Variants in CDH18 observed in about 807,000 individuals in gnomAD.
CDH18 encodes the protein cadherin 18, also known as cadherin-18.
Under a neutral mutation model 67.9 loss-of-function variants are expected in CDH18, and 31 were observed. That is an observed-to-expected ratio of 0.46 (90% CI 0.34 to 0.62). The LOEUF (loss-of-function observed/expected upper bound fraction) is 0.62. Among genes scored for constraint, CDH18 ranks in the 20% least tolerant of loss-of-function variants. CDH18 has a pLI of 0.01. For synonymous variants in CDH18, 362 were observed against 347.2 expected, an observed-to-expected ratio of 1.04 and a Z score of -0.48; for missense variants, 890 against 975.5, an observed-to-expected ratio of 0.91 and a Z score of 1.17.
intron 1 of CDH18, among the ~76,000 whole-genome samples, chr5:20,460,911 A>C (rs1301957726): frequency 6.6e-6 from 1 of 152,218 alleles, no homozygotes; most frequent in Non-Finnish European, 1.5e-5. Context: ...AACTGAGTAC[A>C]TAATTCGTAC....
chr5:19,857,494 T>C (rs908332198), intron 2 of CDH18, among the ~76,000 whole-genome samples: 8 of 152,122 alleles, frequency 5.3e-5, no homozygotes, highest in African/African-American at 1.9e-4. Context: ...CATAGTACAG[T>C]AGTTGAGACA....
chr5:19,824,647 G>A (rs1428670391), intron 3 of CDH18, among the ~76,000 whole-genome samples: 1 of 152,152 alleles, frequency 6.6e-6, no homozygotes, highest in Admixed American at 6.5e-5. Flanking sequence ...TGGTGCCTGT[G>A]AGTAGTAAGA....
intron 1 of CDH18, among the ~76,000 whole-genome samples, chr5:20,416,549 A>G (rs1317408299): frequency 6.6e-6 from 1 of 152,162 alleles, no homozygotes; most frequent in Non-Finnish European, 1.5e-5. Flanking sequence ...AGAATGAAAG[A>G]GAGATTAGCA....
At chr5:19,573,166 A>G (rs1329944657) in intron 7 of CDH18, among the ~76,000 whole-genome samples, 1 of 152,220 alleles carries the variant, frequency 6.6e-6, no homozygotes, top group African/African-American at 2.4e-5. Context: ...TGACACAAAC[A>G]TTATGAATTT....
intron 2 of CDH18, among the ~76,000 whole-genome samples, chr5:20,011,488 T>C (rs191133544): frequency 7.2e-4 from 110 of 152,244 alleles, no homozygotes; most frequent in African/African-American, 2.6e-3. Flanking sequence ...CTTCCAACAC[T>C]ACGTTGAGTA....
chr5:19,526,418 T>C (rs1012723171), intron 9 of CDH18, among the ~76,000 whole-genome samples: 1 of 152,106 alleles, frequency 6.6e-6, no homozygotes, highest in Non-Finnish European at 1.5e-5. Flanking sequence ...TATGCTACAA[T>C]ATGTAGAAGA....
intron 2 of CDH18, among the ~76,000 whole-genome samples, chr5:19,961,164 G>A (rs1403537997): frequency 2.7e-5 from 4 of 147,308 alleles, no homozygotes; most frequent in East Asian, 2.0e-4. Context: ...GTGCAGTGGC[G>A]CGATCTAGGC....
intron 1 of CDH18, among the ~76,000 whole-genome samples, chr5:20,542,315 T>C (rs1757094430): frequency 6.6e-6 from 1 of 151,616 alleles, no homozygotes; most frequent in Admixed American, 6.6e-5. Flanking sequence ...AAATAGTAAT[T>C]ACTATTATTA....
chr5:19,817,414 C>T (rs1779408093), intron 3 of CDH18, among the ~76,000 whole-genome samples: 1 of 151,784 alleles, frequency 6.6e-6, no homozygotes, highest in African/African-American at 2.4e-5. Context: ...GATATGTGTA[C>T]AAGGACATTC....
In CDH18 at chr5:19,839,138, G is replaced by A; in HGVS notation, c.-152C>T. On this transcript the variant is annotated 5_prime_UTR_variant, in exon 3 of 13. Coordinates refer to ENST00000382275, the MANE Select transcript of CDH18 (RefSeq NM_004934.5). ...GTCCATGATTTAACTGTCCATCAGGGAAAGGTCAGATCATATTTACATTCT... is the reference window on the plus strand; with the variant it reads ...GTCCATGATTTAACTGTCCATCAGGAAAAGGTCAGATCATATTTACATTCT... The A allele has an allele frequency of 3.3e-6, 2 of 614,748 alleles. No homozygotes were observed. Among genetic ancestry groups the A allele is most frequent in the Non-Finnish European group, 5.8e-6 (2 of 344,756 alleles). The allele number at this position is 614,748 out of a possible 1,614,324, so 38.1% of individuals were successfully genotyped here.
intron 1 of CDH18, among the ~76,000 whole-genome samples, chr5:20,368,977 TC>T (rs1742748749): frequency 6.6e-6 from 1 of 152,224 alleles, no homozygotes; most frequent in Non-Finnish European, 1.5e-5. Context: ...GAGTTTGCTT[TC>T]TTTTTCTCAT....
intron 2 of CDH18, among the ~76,000 whole-genome samples, chr5:20,123,342 G>T (rs1359879345): frequency 6.6e-6 from 1 of 152,166 alleles, no homozygotes; most frequent in African/African-American, 2.4e-5. Flanking sequence ...AACGCTGGAG[G>T]CTGTGTTTCC....
At chr5:20,295,232 T>C (rs949350111) in intron 1 of CDH18, among the ~76,000 whole-genome samples, 1 of 152,168 alleles carries the variant, frequency 6.6e-6, no homozygotes, top group Non-Finnish European at 1.5e-5. Context: ...GTTTTGCATC[T>C]AATTGTATAT....
At chr5:19,805,863 C>G (rs1348000337) in intron 3 of CDH18, among the ~76,000 whole-genome samples, 1 of 152,240 alleles carries the variant, frequency 6.6e-6, no homozygotes, top group Non-Finnish European at 1.5e-5. Flanking sequence ...TGATGCCAAG[C>G]TTGTTCTAAA....
chr5:20,525,415 C>A (rs561287364), intron 1 of CDH18, among the ~76,000 whole-genome samples: 6 of 152,182 alleles, frequency 3.9e-5, no homozygotes, highest in Admixed American at 2.6e-4. Context: ...GCAGAATTTA[C>A]AGGCTGAAAA....
At chr5:19,576,620 A>T (rs1742353449) in intron 7 of CDH18, among the ~76,000 whole-genome samples, 1 of 152,194 alleles carries the variant, frequency 6.6e-6, no homozygotes, top group South Asian at 2.1e-4. Context: ...ATGTGGAGAA[A>T]AGGAAACACA....
intron 1 of CDH18, among the ~76,000 whole-genome samples, chr5:20,275,082 A>AT (rs930350148): frequency 1.3e-4 from 20 of 150,458 alleles, no homozygotes; most frequent in East Asian, 7.8e-4. Context: ...AAAGCTAAAG[A>AT]TTTTTTTTTT....
rs148024168 is a variant in CDH18, at chr5:19,720,634, T to G, written c.643+713A>C. On this transcript the variant is annotated intron_variant, in intron 5 of 12. Transcript: ENST00000382275. ...AGCAGCCTTCATTACCATTTTGGCCTGATATGACAGGATATAACTGATGTG... is the reference window on the plus strand; with the variant it reads ...AGCAGCCTTCATTACCATTTTGGCCGGATATGACAGGATATAACTGATGTG... Among the ~76,000 whole-genome samples, 762 of 152,288 alleles carry G rather than the reference T, an allele frequency of 5.0e-3. 3 individuals carry two copies. Among genetic ancestry groups the G allele is most frequent in the African/African-American group, 0.018 (734 of 41,552 alleles).
intron 1 of CDH18, among the ~76,000 whole-genome samples, chr5:20,456,348 T>G (rs1346483314): frequency 6.6e-6 from 1 of 152,098 alleles, no homozygotes; most frequent in East Asian, 1.9e-4. Flanking sequence ...AACTTTCAGG[T>G]TTTCAATTTT....
Sources: gnomAD v4.1 joint callset for allele counts (sites outside exome capture counted in the v4.1 genomes callset) on GRCh38, gnomAD v4.1.1 for gene constraint, MANE v1.5 for transcripts, NCBI Gene and HGNC (gene_info 2026-07-23, HGNC 2026-07-21) for gene names.